GLRA1: variants seen among roughly 807,000 people sequenced by gnomAD.
The protein encoded by GLRA1 is glycine receptor subunit alpha-1.
A neutral mutation model predicts 48.3 loss-of-function variants in GLRA1; 37 were observed. The observed-to-expected ratio is 0.77, with a 90% CI of 0.59 to 1.01. The LOEUF (loss-of-function observed/expected upper bound fraction) is 1.01, where lower values mean the gene tolerates loss of function less well. GLRA1 is among the 50% of genes least tolerant of loss of function. GLRA1 has a pLI of 0.00. For synonymous variants in GLRA1, 196 were observed against 210.7 expected, an observed-to-expected ratio of 0.93 and a Z score of 0.60; for missense variants, 427 against 571.0, an observed-to-expected ratio of 0.75 and a Z score of 2.57.
chr5:151,879,131 C>T (rs183335177), intron 3 of GLRA1, among the ~76,000 whole-genome samples: 77 of 152,338 alleles, frequency 5.1e-4, no homozygotes, highest in Non-Finnish European at 8.1e-4. Context: ...GGAACCCACC[C>T]CTTGCATCAG....
intron 7 of GLRA1, chr5:151,848,992 T>A: frequency 2.9e-6 from 2 of 689,596 alleles, no homozygotes; most frequent in Non-Finnish European, 5.5e-6. Context: ...TCGATGGTAC[T>A]GGAGAAGGAT....
At chr5:151,843,111 G>A (rs1763750864) in intron 7 of GLRA1, among the ~76,000 whole-genome samples, 1 of 152,054 alleles carries the variant, frequency 6.6e-6, no homozygotes, top group African/African-American at 2.4e-5. Context: ...CTAAATAAAT[G>A]AGAAGAAATC....
At chr5:151,881,660 T>C (rs546535682) in intron 3 of GLRA1, among the ~76,000 whole-genome samples, 15 of 152,242 alleles carry the variant, frequency 9.9e-5, no homozygotes, top group African/African-American at 3.6e-4. Context: ...CTGTTTCAAC[T>C]TTTACCTTCC....
At chr5:151,831,194 C>T (rs1763413782) in intron 7 of GLRA1, among the ~76,000 whole-genome samples, 1 of 152,204 alleles carries the variant, frequency 6.6e-6, no homozygotes. Flanking sequence ...CCACCAGGGC[C>T]CTGGTTTTCA....
chr5:151,869,329 C>T lies in GLRA1; in HGVS notation c.253-9321G>A, dbSNP rs1428452970. On this transcript the variant is annotated intron_variant, in intron 3 of 8. Transcript: ENST00000274576. ...ATGTTGGCCAGGCTGGTCTCAAACT[C>T]CTGGCCTCAAGTGATCCACCCGCCT... Among the ~76,000 whole-genome samples, 4 of 150,672 alleles carry T rather than the reference C, an allele frequency of 2.7e-5. No individual in the cohort carries two copies. The South Asian group carries it at 6.5e-4, about 25-fold the overall frequency.
chr5:151,843,909 C>T (rs1214896882), intron 7 of GLRA1, among the ~76,000 whole-genome samples: 2 of 152,188 alleles, frequency 1.3e-5, no homozygotes, highest in Admixed American at 1.3e-4. Flanking sequence ...GTGGCTCACA[C>T]CTGTAATCCT....
chr5:151,862,823 C>A (rs1162665150), intron 3 of GLRA1, among the ~76,000 whole-genome samples: 3 of 152,152 alleles, frequency 2.0e-5, no homozygotes, highest in Non-Finnish European at 4.4e-5. Flanking sequence ...CTGTTCTAGT[C>A]AAAACTCCAT....
intron 3 of GLRA1, among the ~76,000 whole-genome samples, chr5:151,884,817 G>T (rs60642037): frequency 6.6e-6 from 1 of 152,188 alleles, no homozygotes; most frequent in Non-Finnish European, 1.5e-5. Context: ...AAGAGTGGAA[G>T]TGTCAACACT....
At chr5:151,852,403 G>A (rs932967050) in intron 6 of GLRA1, among the ~76,000 whole-genome samples, 1 of 152,198 alleles carries the variant, frequency 6.6e-6, no homozygotes, top group African/African-American at 2.4e-5. Context: ...ACATGATCAT[G>A]AGAGCCTTCA....
chr5:151,917,998 G>A (rs925996202), intron 1 of GLRA1, among the ~76,000 whole-genome samples: 3 of 152,120 alleles, frequency 2.0e-5, no homozygotes, highest in South Asian at 2.1e-4. Context: ...TTAGAGCAAC[G>A]GACACTGAAA....
chr5:151,850,635 C>A, intron 7 of GLRA1: 1 of 1,445,874 alleles, frequency 6.9e-7, no homozygotes, highest in Non-Finnish European at 9.7e-7. Context: ...AATCGTAGTG[C>A]CAACATACAC....
At chr5:151,824,464 C>T (rs1763222923) in intron 8 of GLRA1, among the ~76,000 whole-genome samples, 2 of 152,186 alleles carry the variant, frequency 1.3e-5, no homozygotes, top group African/African-American at 2.4e-5. Flanking sequence ...TGGACCCTGC[C>T]TGCTTTTGCA....
chr5:151,827,356 C>T (rs1038589333), intron 8 of GLRA1, among the ~76,000 whole-genome samples: 5 of 152,186 alleles, frequency 3.3e-5, no homozygotes, highest in Admixed American at 1.3e-4. Flanking sequence ...ATTGGAACGT[C>T]GGCCTCCTCC....
At chr5:151,864,479 T>C (rs2113367974) in intron 3 of GLRA1, among the ~76,000 whole-genome samples, 1 of 152,310 alleles carries the variant, frequency 6.6e-6, no homozygotes, top group Non-Finnish European at 1.5e-5. Flanking sequence ...GCAGGGCCAG[T>C]GAGTGGCAGA....
At position 151,822,695 on chromosome 5, in the gene GLRA1, C is replaced by T. The variant is rs1415816176; in HGVS notation, c.1328G>A (p.Arg443Lys). Residue 443 changes from arginine to lysine, a missense_variant, in exon 9 of 9, where the codon AGA becomes AAA. Arg to Lys is a conservative substitution (Grantham distance 26). Transcript: ENST00000274576. Reference sequence around the variant, plus strand: ...CCTTCACTGGTTGTGGACGTCCTCTCTACGGACAATCTTGTAGATGATCCA... The same window carrying T: ...CCTTCACTGGTTGTGGACGTCCTCTTTACGGACAATCTTGTAGATGATCCA... The part of the protein sequence containing the change: ...FYWIIYKIVR[R>K]EDVHNQ 1 of 1,613,514 alleles carries T rather than the reference C, an allele frequency of 6.2e-7. No homozygotes were observed. Among genetic ancestry groups the T allele is most frequent in the African/African-American group, 1.3e-5 (1 of 75,012 alleles).
intron 1 of GLRA1, among the ~76,000 whole-genome samples, chr5:151,915,473 A>G (rs1754716235): frequency 6.6e-6 from 1 of 152,194 alleles, no homozygotes. Flanking sequence ...TGGGAAAATT[A>G]GAAAAAGTAT....
At chr5:151,886,904 T>C (rs1686582046) in intron 2 of GLRA1, 116 bp from the exon 3 acceptor site, 8 of 788,732 alleles carry the variant, frequency 1.0e-5, no homozygotes, top group Non-Finnish European at 1.8e-5. Context: ...GAGGAGATCC[T>C]TGCTTGCTCT....
chr5:151,907,797 A>G (rs1214902078), intron 1 of GLRA1, among the ~76,000 whole-genome samples: 1 of 152,238 alleles, frequency 6.6e-6, no homozygotes, highest in East Asian at 1.9e-4. Context: ...AGGGATGCTC[A>G]GAGGCAAGAG....
chr5:151,841,072 ATG>A (rs1763702052), intron 7 of GLRA1, among the ~76,000 whole-genome samples: 1 of 152,200 alleles, frequency 6.6e-6, no homozygotes, highest in Admixed American at 6.5e-5. Context: ...TAACAGAAGA[ATG>A]TACATTCTTC....
Sources: gnomAD v4.1 joint callset for allele counts (sites outside exome capture counted in the v4.1 genomes callset) on GRCh38, gnomAD v4.1.1 for gene constraint, MANE v1.5 for transcripts, NCBI Gene and HGNC (gene_info 2026-07-23, HGNC 2026-07-21) for gene names.